NPAS1: variants seen among roughly 807,000 people sequenced by gnomAD.
NPAS1 encodes the protein neuronal PAS domain-containing protein 1.
Under a neutral mutation model 49.2 loss-of-function variants are expected in NPAS1, and 29 were observed. That is an observed-to-expected ratio of 0.59 (90% CI 0.44 to 0.80). The LOEUF is 0.80. NPAS1 is among the 30% of genes least tolerant of loss of function. The probability of loss-of-function intolerance (pLI) is 0.00; values close to 1 mark genes in which losing one functional copy is unlikely to be tolerated. For synonymous variants in NPAS1, 408 were observed against 380.4 expected (o/e 1.07, Z -0.84); for missense variants, 825 against 835.5 (o/e 0.99, Z 0.15).
rs558756372 is a variant in NPAS1 at position 47,021,522 on chromosome 19, C to T, written c.123-90C>T. 1 of 894,164 alleles carries T rather than the reference C, an allele frequency of 1.1e-6. No homozygotes were observed. Among genetic ancestry groups the T allele is most frequent in the Admixed American group, 3.3e-5 (1 of 30,480 alleles). 55.4% of individuals were successfully genotyped at this position (894,164 alleles called of 1,614,324 possible). The stretch of plus-strand genomic sequence containing the variant: ...CCACTCCCAACGTCCCGTCCCGTTC[C>T]CAAGGCCCCGGGAGGCGGGGCTCGC... On this transcript the variant is annotated intron_variant, in intron 2 of 11. Transcript: ENST00000602212. This position sits in a 1 kb window ranked among gnomAD's most constrained non-coding sequence, Gnocchi z 5.7.
rs893639304 is a variant in NPAS1 at position 47,025,086 on chromosome 19, G to A, written c.358+3239G>A. On this transcript the variant is annotated intron_variant, in intron 3 of 11. Coordinates refer to ENST00000602212, the MANE Select transcript of NPAS1 (RefSeq NM_002517.4). ...GCTGGGATTGCAGGCGTGAGGCGCC[G>A]TGCCCGGCTTTTACAGCCTTCTTTC... 6.7e-5 allele frequency among the ~76,000 whole-genome samples: 9 copies of A among 133,818 alleles called. 2 individuals are homozygous for A. The highest frequency in any genetic ancestry group is 9.9e-5 in the African/African-American group (4 of 40,356). 87.8% of individuals were successfully genotyped at this position (133,818 alleles called of 152,430 possible). A position where few individuals can be genotyped will look rare whatever the true frequency, so the allele number is the denominator to read the frequency against.
rs756687294 is a variant in NPAS1, at chr19:47,021,166, C to A, written c.119C>A (p.Pro40Gln). 6 of 1,577,408 alleles carry A rather than the reference C, an allele frequency of 3.8e-6. No individual in the cohort carries two copies. In the East Asian group the frequency reaches 1.4e-4, roughly 38 times the overall value. Reference sequence around the variant, plus strand: ...CTGATGGTCAAGGCGCCGTCCGGACCGTGGTGAGCAAAGCCCCGCCCCCCT... The same window carrying A: ...CTGATGGTCAAGGCGCCGTCCGGACAGTGGTGAGCAAAGCCCCGCCCCCCT... ...PGLMVKAPSG[P>Q]CLQAQRKEKS... The change falls in exon 2 of 12, where the codon CCG becomes CAG. Residue 40 changes from proline (P) to glutamine (Q), a missense_variant. Pro to Gln is a moderately conservative substitution (Grantham distance 76). Transcript: ENST00000602212. This position sits in a 1 kb window ranked among gnomAD's most constrained non-coding sequence, Gnocchi z 5.7.
chr19:47,044,415 T>C lies in NPAS1; in HGVS notation c.1313-776T>C, dbSNP rs545486450. 6.6e-4 allele frequency among the ~76,000 whole-genome samples: 100 copies of C among 152,300 alleles called. 1 individual carries two copies. Among genetic ancestry groups the C allele is most frequent in the African/African-American group, 2.4e-3 (100 of 41,564 alleles). On this transcript the variant is annotated intron_variant, in intron 11 of 11. Transcript: ENST00000602212. ...AAACACTTTAAATCCATGTCCTCAC[T>C]CACACCTGCCACATATTGCATGCAC...
At chr19:47,027,187 T>C (rs899503629) in intron 3 of NPAS1, among the ~76,000 whole-genome samples, 1 of 152,280 alleles carries the variant, frequency 6.6e-6, no homozygotes. Context: ...TCTCCCCGAC[T>C]TCCCTGGGTG....
chr19:47,032,801 T>A, intron 5 of NPAS1, 69 bp downstream of exon 5: 2 of 1,115,664 alleles, frequency 1.8e-6, no homozygotes, highest in Non-Finnish European at 2.7e-6. Context: ...TGCATATCCT[T>A]CCTCTCTCCT....
At chr19:47,038,639 C>T (rs895224645) in intron 6 of NPAS1, among the ~76,000 whole-genome samples, 1 of 152,016 alleles carries the variant, frequency 6.6e-6, no homozygotes. Context: ...CCAGCCTGGC[C>T]AACATGGCAA....
chr19:47,038,378 A>G (rs960957348), intron 6 of NPAS1, among the ~76,000 whole-genome samples: 4 of 152,080 alleles, frequency 2.6e-5, no homozygotes, highest in South Asian at 2.1e-4. Context: ...CTAGCTGGGC[A>G]TGATGGCGCG....
chr19:47,038,925 C>G, intron 6 of NPAS1, 111 bp from the exon 7 acceptor site: 4 of 867,118 alleles, frequency 4.6e-6, no homozygotes, highest in Non-Finnish European at 7.6e-6. Flanking sequence ...TGAGTGCGGC[C>G]GTGGCCCAGC....
At chr19:47,045,160 C>T (rs887901855) in intron 11 of NPAS1, 31 bp from the exon 12 acceptor site, 3 of 1,599,392 alleles carry the variant, frequency 1.9e-6, no homozygotes, top group Admixed American at 1.7e-5. Context: ...GCTGGGGACA[C>T]ACACAGGCCC....
At position 47,032,741 on chromosome 19, in the gene NPAS1, C is replaced by T; in HGVS notation, c.522+9C>T. 1 of 1,603,142 alleles carries T rather than the reference C, an allele frequency of 6.2e-7. No individual in the cohort carries two copies. The highest frequency in any genetic ancestry group is 8.5e-7 in the Non-Finnish European group (1 of 1,170,136). On this transcript the variant is annotated intron_variant, in intron 5 of 11. Transcript: ENST00000602212. ...ATCTGGGTCTCTCACAGGTAAGGGACCCCCAGTGGACCTGGATTGGCTCAG... is the reference window on the plus strand; with the variant it reads ...ATCTGGGTCTCTCACAGGTAAGGGATCCCCAGTGGACCTGGATTGGCTCAG...
At chr19:47,035,626 C>A (rs2056945973) in intron 5 of NPAS1, among the ~76,000 whole-genome samples, 1 of 152,184 alleles carries the variant, frequency 6.6e-6, no homozygotes, top group Non-Finnish European at 1.5e-5. Context: ...TGCCAGGGCA[C>A]AGTTGTTTGC....
chr19:47,021,962 G>T lies in NPAS1; in HGVS notation c.358+115G>T. The T allele has an allele frequency of 1.6e-6, 1 of 633,590 alleles. No homozygotes were observed. 39.2% of individuals were successfully genotyped at this position (633,590 alleles called of 1,614,324 possible). On this transcript the variant is annotated intron_variant, in intron 3 of 11. Coordinates refer to ENST00000602212, the MANE Select transcript of NPAS1 (RefSeq NM_002517.4). This position sits in a 1 kb window ranked among gnomAD's most constrained non-coding sequence, Gnocchi z 5.7. ...AGATGCTTGTCTCTGGAGTCAGCCA[G>T]GACCTTTGCGTGTCCCTATCAGGTG... is the stretch of plus-strand genomic sequence containing the variant.
Position 47,021,202 on chromosome 19 carries a change from C to G in NPAS1, c.122+33C>G, listed in dbSNP as rs1233722133. The G allele has an allele frequency of 6.7e-7, 1 of 1,488,202 alleles. No homozygotes were observed. The highest frequency in any genetic ancestry group is 9.0e-7 in the Non-Finnish European group (1 of 1,116,198). The allele number at this position is 1,488,202 out of a possible 1,614,324, so 92.2% of individuals were successfully genotyped here. A position where few individuals can be genotyped will look rare whatever the true frequency, so the allele number is the denominator to read the frequency against. On this transcript the variant is annotated intron_variant, in intron 2 of 11. Transcript: ENST00000602212. This position sits in a 1 kb window ranked among gnomAD's most constrained non-coding sequence, Gnocchi z 5.7. ...AAGCCCCGCCCCCCTGGCCGCGGGC[C>G]CCCCCCCGGGTCCAATTCACACCCG...
At position 47,021,617 on chromosome 19, in the gene NPAS1, AG is replaced by A; in HGVS notation, c.130del (p.Ala44ArgfsTer67). On this transcript the variant is annotated frameshift_variant, in exon 3 of 12. Transcript: ENST00000602212. LOFTEE classifies it high-confidence loss of function. The surrounding 1 kb of genome is among the most constrained non-coding windows in gnomAD (Gnocchi z 5.7). Reference sequence around the variant, plus strand: ...CCTCCGCGCCGCCCGCCCAGCCTGCAGGCGCAGCGCAAGGAGAAGTCCCGGA... The same window carrying A: ...CCTCCGCGCCGCCCGCCCAGCCTGCAGCGCAGCGCAAGGAGAAGTCCCGGA... Reference protein sequence around the residue: ...MVKAPSGPCLQAQRKEKSRNA... With the variant: ...MVKAPSGPCLXAQRKEKSRNA... 6.6e-7 allele frequency: 1 copy of A among 1,505,274 alleles called. No homozygotes were observed. Among genetic ancestry groups the A allele is most frequent in the Non-Finnish European group, 8.9e-7 (1 of 1,126,408 alleles). The allele number at this position is 1,505,274 out of a possible 1,614,324, so 93.2% of individuals were successfully genotyped here.
chr19:47,042,266 G>A (rs2057030280), intron 10 of NPAS1, among the ~76,000 whole-genome samples: 1 of 152,134 alleles, frequency 6.6e-6, no homozygotes. Context: ...CCAAGATCAT[G>A]CCACTGCACT....
At chr19:47,020,485 C>T (rs1159410578) in intron 1 of NPAS1, among the ~76,000 whole-genome samples, 1 of 151,848 alleles carries the variant, frequency 6.6e-6, no homozygotes, top group African/African-American at 2.4e-5. Context: ...GATCCCTGGG[C>T]AGGACACAGG....
chr19:47,034,721 A>G (rs1183727053), intron 5 of NPAS1, among the ~76,000 whole-genome samples: 2 of 151,934 alleles, frequency 1.3e-5, no homozygotes. Context: ...TACTAAAAAT[A>G]CAAAATTAGC....
intron 11 of NPAS1, 138 bp downstream of exon 11, chr19:47,043,042 C>G (rs1420687862): frequency 3.4e-6 from 2 of 595,900 alleles, no homozygotes; most frequent in African/African-American, 3.9e-5. Flanking sequence ...TGCGGTGGCT[C>G]ACGCCTGTAA....
intron 3 of NPAS1, among the ~76,000 whole-genome samples, chr19:47,023,282 G>A (rs553423224): frequency 1.3e-5 from 2 of 152,224 alleles, no homozygotes; most frequent in African/African-American, 4.8e-5. Flanking sequence ...GGAAAGGGGG[G>A]GCTAAGAGAG....
Sources: gnomAD v4.1 joint callset for allele counts (sites outside exome capture counted in the v4.1 genomes callset) on GRCh38, gnomAD v4.1.1 for gene constraint, Gnocchi (gnomAD v3.1) non-coding constraint, MANE v1.5 for transcripts, NCBI Gene and HGNC (gene_info 2026-07-23, HGNC 2026-07-21) for gene names.